Variants in TMEM132D observed in about 807,000 individuals in gnomAD.
The protein encoded by TMEM132D is mature OL transmembrane protein.
TMEM132D carries 21 observed loss-of-function variants against 62.3 expected under a neutral mutation model. The ratio of observed to expected loss-of-function variants is 0.34; its 90% confidence interval spans 0.24 to 0.49. The LOEUF (loss-of-function observed/expected upper bound fraction) is 0.49, where lower values mean the gene tolerates loss of function less well. Ranked by LOEUF, TMEM132D falls within the 20% of genes least tolerant of loss-of-function variation. The pLI, the probability that TMEM132D is intolerant of heterozygous loss-of-function variation, is 0.99. For synonymous variants in TMEM132D, 621 were observed against 575.6 expected (o/e 1.08, Z -1.13); for missense variants, 1,346 against 1,402.8 (o/e 0.96, Z 0.65).
At chr12:129,823,120 C>T (rs962220186) in intron 1 of TMEM132D, among the ~76,000 whole-genome samples, 1 of 152,224 alleles carries the variant, frequency 6.6e-6, no homozygotes, top group Non-Finnish European at 1.5e-5. Context: ...CTTGCTTTCA[C>T]CATGTGATGT....
intron 5 of TMEM132D, among the ~76,000 whole-genome samples, chr12:129,193,814 CA>C: frequency 6.6e-6 from 1 of 152,288 alleles, no homozygotes; most frequent in East Asian, 1.9e-4. Flanking sequence ...TGAATTCCTC[CA>C]ACGCTATCAG....
intron 3 of TMEM132D, among the ~76,000 whole-genome samples, chr12:129,435,829 A>C (rs950214741): frequency 6.6e-6 from 1 of 152,240 alleles, no homozygotes; most frequent in African/African-American, 2.4e-5. Flanking sequence ...CAGAGACTAC[A>C]ATATGATTAT....
chr12:129,600,877 A>C, intron 2 of TMEM132D, among the ~76,000 whole-genome samples: 1 of 152,128 alleles, frequency 6.6e-6, no homozygotes, highest in East Asian at 1.9e-4. Context: ...CATAATTATT[A>C]AGGGCCCTAG....
chr12:129,829,789 A>T, intron 1 of TMEM132D, among the ~76,000 whole-genome samples: 1 of 152,116 alleles, frequency 6.6e-6, no homozygotes, highest in Non-Finnish European at 1.5e-5. Context: ...CTTCATCTGA[A>T]ATCATCCAAA....
chr12:129,143,118 G>T (rs1274572160), intron 5 of TMEM132D, among the ~76,000 whole-genome samples: 2 of 152,110 alleles, frequency 1.3e-5, no homozygotes, highest in Non-Finnish European at 2.9e-5. Context: ...TGAGGGCTCA[G>T]TCCCATAAGA....
At chr12:129,234,713 A>G (rs1250054449) in intron 4 of TMEM132D, among the ~76,000 whole-genome samples, 1 of 152,220 alleles carries the variant, frequency 6.6e-6, no homozygotes, top group African/African-American at 2.4e-5. Flanking sequence ...GCCAATACTA[A>G]TGACTTATAT....
chr12:129,457,458 A>AGGGGGGGGGGGGG (rs1873511317), intron 3 of TMEM132D, among the ~76,000 whole-genome samples: 1 of 124,824 alleles, frequency 8.0e-6, no homozygotes, highest in African/African-American at 3.0e-5. Flanking sequence ...GGGGGAGGGG[A>AGGGGGGGGGGGGG]GAGGGATGGC....
At chr12:129,111,375 T>A (rs1875696097) in intron 5 of TMEM132D, 1 of 152,216 alleles carries the variant, frequency 6.6e-6, no homozygotes. Context: ...AGAGAACAAC[T>A]GTCTGCTGTG....
chr12:129,119,066 A>T (rs956252612), intron 5 of TMEM132D, among the ~76,000 whole-genome samples: 2 of 152,294 alleles, frequency 1.3e-5, no homozygotes, highest in Admixed American at 1.3e-4. Flanking sequence ...AGCATTTTCC[A>T]TTGGCTGTTT....
At chr12:129,724,348 C>T (rs1868949672) in intron 1 of TMEM132D, among the ~76,000 whole-genome samples, 1 of 152,170 alleles carries the variant, frequency 6.6e-6, no homozygotes, top group Non-Finnish European at 1.5e-5. Flanking sequence ...AGACATAGAA[C>T]ATGGGTGGCT....
chr12:129,587,823 G>T (rs1248042177), intron 2 of TMEM132D, among the ~76,000 whole-genome samples: 1 of 152,068 alleles, frequency 6.6e-6, no homozygotes, highest in African/African-American at 2.4e-5. Context: ...CTGGCCAGGG[G>T]GTATATTATT....
chr12:129,778,054 G>A (rs1870999175), intron 1 of TMEM132D, among the ~76,000 whole-genome samples: 1 of 142,370 alleles, frequency 7.0e-6, no homozygotes, highest in Non-Finnish European at 1.5e-5. Context: ...GGTCAAGGCT[G>A]CAGTGAGCCA....
intron 4 of TMEM132D, among the ~76,000 whole-genome samples, chr12:129,265,645 C>T (rs1358107324): frequency 2.0e-5 from 3 of 152,068 alleles, no homozygotes; most frequent in Non-Finnish European, 2.9e-5. Flanking sequence ...TGTCTTTCAA[C>T]TCCAGCTGTC....
intron 5 of TMEM132D, among the ~76,000 whole-genome samples, chr12:129,175,326 G>A (rs1877873579): frequency 6.6e-6 from 1 of 152,126 alleles, no homozygotes. Context: ...GTGGTACATT[G>A]CAGTAAAGGG....
At chr12:129,668,502 G>A (rs1057447518) in intron 2 of TMEM132D, among the ~76,000 whole-genome samples, 6 of 151,692 alleles carry the variant, frequency 4.0e-5, no homozygotes, top group Non-Finnish European at 5.9e-5. Flanking sequence ...TTGTGCCATT[G>A]GAATAGAGGA....
intron 2 of TMEM132D, among the ~76,000 whole-genome samples, chr12:129,598,176 G>A (rs1878390442): frequency 6.6e-6 from 1 of 152,200 alleles, no homozygotes; most frequent in African/African-American, 2.4e-5. Context: ...ATAAAATTCA[G>A]AAGTGTTTTC....
At chr12:129,463,438 C>CTATT (rs34072279) in intron 3 of TMEM132D, among the ~76,000 whole-genome samples, 2,659 of 146,040 alleles carry the variant, frequency 0.018, 83 homozygotes, top group East Asian at 0.092. Flanking sequence ...GATCCCTGTC[C>CTATT]TATTTATTTA....
chr12:129,903,308 T>A lies in TMEM132D; in HGVS notation c.32A>T (p.His11Leu), dbSNP rs1875433379. 1 of 1,554,482 alleles carries A rather than the reference T, an allele frequency of 6.4e-7. No homozygotes were observed. MCPSEMGTLW[H>L]HWSPVLISLA... ...GCTGATGAGTACCGGCGACCAGTGG[T>A]GCCACAGCGTCCCCATCTCAGACGG... The change falls in exon 1 of 9, where the codon CAC becomes CTC. Residue 11 changes from histidine (H) to leucine (L), a missense_variant. His to Leu is a moderately conservative substitution (Grantham distance 99). Transcript: ENST00000422113. The surrounding 1 kb of genome is among the most constrained non-coding windows in gnomAD (Gnocchi z 6.2).
At chr12:129,667,247 AATTTT>A (rs944906158) in intron 2 of TMEM132D, among the ~76,000 whole-genome samples, 28 of 152,214 alleles carry the variant, frequency 1.8e-4, no homozygotes, top group African/African-American at 6.8e-4. Context: ...AGAGATATAA[AATTTT>A]ATTTTAAAAA....
Sources: gnomAD v4.1 joint callset for allele counts (sites outside exome capture counted in the v4.1 genomes callset) on GRCh38, gnomAD v4.1.1 for gene constraint, Gnocchi (gnomAD v3.1) non-coding constraint, MANE v1.5 for transcripts, NCBI Gene and HGNC (gene_info 2026-07-23, HGNC 2026-07-21) for gene names.